Variants in OVGP1 observed in about 807,000 individuals in gnomAD.
OVGP1 encodes the protein oviduct-specific glycoprotein.
In OVGP1, 26 loss-of-function variants were observed where a neutral mutation model predicts 48.2. That is an observed-to-expected ratio of 0.54 (90% confidence interval 0.40 to 0.75). OVGP1 has a LOEUF of 0.75. OVGP1 is among the 30% of genes least tolerant of loss of function. The pLI, the probability that OVGP1 is intolerant of heterozygous loss-of-function variation, is 0.00. For missense variants in OVGP1, 791 were observed against 820.6 expected, an observed-to-expected ratio of 0.96 and a Z score of 0.44; for synonymous variants, 294 against 305.7, an observed-to-expected ratio of 0.96 and a Z score of 0.40.
intron 3 of OVGP1, 56 bp downstream of exon 3, chr1:111,426,381 T>C: frequency 6.2e-7 from 1 of 1,611,108 alleles, no homozygotes; most frequent in Non-Finnish European, 8.5e-7. Flanking sequence ...AAATAGACTG[T>C]TATCTTATAC....
At position 111,419,566 on chromosome 1, in the gene OVGP1, G is replaced by A. The variant is rs115931191; in HGVS notation, c.1020+44C>T. On this transcript the variant is annotated intron_variant, in intron 9 of 10. Transcript: ENST00000369732. ...TACAAATAAGGACCCCATAGAAACC[G>A]GTAGGAAACCATGTGCTGGAGCATG... 4.1e-4 allele frequency: 472 copies of A among 1,145,824 alleles called. 2 individuals carry two copies. In the African/African-American group the frequency reaches 6.0e-3, roughly 15 times the overall value. The allele number at this position is 1,145,824 out of a possible 1,614,324, so 71.0% of individuals were successfully genotyped here.
At position 111,416,461 on chromosome 1, in the gene OVGP1, G is replaced by T. The variant is rs1178890945; in HGVS notation, c.1021-3C>A. 6.3e-7 allele frequency: 1 copy of T among 1,599,944 alleles called. No homozygotes were observed. Among genetic ancestry groups the T allele is most frequent in the Admixed American group, 1.7e-5 (1 of 58,182 alleles). On this transcript the variant is annotated splice_region_variant and splice_polypyrimidine_tract_variant and intron_variant, in intron 9 of 10. Transcript: ENST00000369732. Reference sequence around the variant, plus strand: ...TGCTCTCGCCTTATAAACCATGCCTGTAAAAGTAACAGTCAGTCAACCTGC... The same window carrying T: ...TGCTCTCGCCTTATAAACCATGCCTTTAAAAGTAACAGTCAGTCAACCTGC...
At chr1:111,427,655 C>T (rs374090759) in intron 1 of OVGP1, 42 bp downstream of exon 1, 1 of 1,610,684 alleles carries the variant, frequency 6.2e-7, no homozygotes, top group African/African-American at 1.3e-5. Context: ...AAGCCTGGCA[C>T]TTCCTGGACT....
At chr1:111,427,489 T>C (rs760840114) in intron 1 of OVGP1, 15 of 622,032 alleles carry the variant, frequency 2.4e-5, no homozygotes, top group Non-Finnish European at 2.8e-5. Flanking sequence ...AAATTTCTAA[T>C]GGGCCACCAG....
intron 4 of OVGP1, among the ~76,000 whole-genome samples, chr1:111,423,954 C>T (rs192757848): frequency 2.6e-5 from 4 of 152,350 alleles, no homozygotes; most frequent in South Asian, 2.1e-4. Context: ...CAAGGCCAGA[C>T]GGCACAGGGA....
At chr1:111,422,816 G>C in intron 6 of OVGP1, 111 bp downstream of exon 6, 1 of 1,293,398 alleles carries the variant, frequency 7.7e-7, no homozygotes, top group South Asian at 1.3e-5. Flanking sequence ...ACTGACGTCA[G>C]GGCAGGCACA....
Position 111,415,152 on chromosome 1 carries a change from G to C in OVGP1, c.1349C>G (p.Thr450Ser). 3.7e-6 allele frequency: 6 copies of C among 1,614,106 alleles called. No individual in the cohort carries two copies. The highest frequency in any genetic ancestry group is 5.1e-6 in the Non-Finnish European group (6 of 1,179,970). ...TACAGTTTCCTTTGTAGGGGTCACA[G>C]TTGTACCTCTAGGGGTTATAGTCAT... ...ENMTITPRGT[T>S]VTPTKETVSL... Residue 450 changes from threonine to serine, a missense_variant, in exon 11 of 11, where the codon ACT (threonine) becomes AGT (serine). By Grantham distance (58) the Thr-to-Ser change is moderately conservative. Transcript: ENST00000369732.
intron 9 of OVGP1, among the ~76,000 whole-genome samples, chr1:111,418,270 A>C (rs1023731067): frequency 1.3e-5 from 2 of 152,088 alleles, no homozygotes; most frequent in African/African-American, 4.8e-5. Flanking sequence ...CACCCAACAC[A>C]AGGGATCAAT....
rs1264893 is a variant in OVGP1 at position 111,426,810 on chromosome 1, C to A, written c.56-169G>T. 2.1e-5 allele frequency: 33 copies of A among 1,547,026 alleles called. No homozygotes were observed. The East Asian group carries it at 6.4e-4, about 30-fold the overall frequency. Reference sequence around the variant, plus strand: ...CTACACTGAGGTTCTATTCCTCCCCCACTGCTGAGGTCTCAGGAAGAAAAC... The same window carrying A: ...CTACACTGAGGTTCTATTCCTCCCCAACTGCTGAGGTCTCAGGAAGAAAAC... On this transcript the variant is annotated intron_variant, in intron 2 of 10. Transcript: ENST00000369732.
chr1:111,424,369 T>C (rs1256924863), intron 4 of OVGP1, among the ~76,000 whole-genome samples: 1 of 152,244 alleles, frequency 6.6e-6, no homozygotes, highest in Non-Finnish European at 1.5e-5. Context: ...ACCTGAACTT[T>C]AAGCAACTCT....
In OVGP1 at chr1:111,416,323, C is replaced by T; in HGVS notation, c.1156G>A (p.Glu386Lys). The change falls in exon 10 of 11, where the codon GAG becomes AAG. Residue 386 changes from glutamate to lysine, a missense_variant and splice_region_variant. Glu to Lys is a moderately conservative substitution (Grantham distance 56). Transcript: ENST00000369732. Reference sequence around the variant, plus strand: ...CAGCTTCTAGGTCACAGCTACTTACCAGCCCGCACCAGGATATCATTCAAT... The same window carrying T: ...CAGCTTCTAGGTCACAGCTACTTACTAGCCCGCACCAGGATATCATTCAAT... ...YVLNDILVRAEFSSTSLPQFW... is the reference protein window; with the variant it reads ...YVLNDILVRAKFSSTSLPQFW... 2 of 1,576,826 alleles carry T rather than the reference C, an allele frequency of 1.3e-6. No homozygotes were observed. Among genetic ancestry groups the T allele is most frequent in the Non-Finnish European group, 1.7e-6 (2 of 1,157,518 alleles).
At chr1:111,426,998 A>G (rs1652416151) in intron 2 of OVGP1, 64 bp downstream of exon 2, 1 of 1,613,252 alleles carries the variant, frequency 6.2e-7, no homozygotes, top group Non-Finnish European at 8.5e-7. Flanking sequence ...GGGACACTCA[A>G]TGTGGAGGAC....
At chr1:111,420,216 T>C (rs1652232215) in intron 8 of OVGP1, among the ~76,000 whole-genome samples, 1 of 152,180 alleles carries the variant, frequency 6.6e-6, no homozygotes, top group South Asian at 2.1e-4. Context: ...AATTAAGCAT[T>C]TGAGTGTCCA....
In OVGP1 at chr1:111,423,009, G is replaced by A. The variant is rs183956715; in HGVS notation, c.526C>T (p.Arg176Cys). 2.9e-5 allele frequency: 47 copies of A among 1,614,022 alleles called. No individual in the cohort carries two copies. Among genetic ancestry groups the A allele is most frequent in the Non-Finnish European group, 3.7e-5 (44 of 1,180,020 alleles). Residue 176 changes from arginine to cysteine, a missense_variant, in exon 6 of 11, where the codon CGC (arginine) becomes TGC (cysteine). Physicochemically the swap from Arg to Cys is radical, Grantham distance 180. Coordinates refer to ENST00000369732, the MANE Select transcript of OVGP1 (RefSeq NM_002557.4). ...AFRKEALLTMRPRLLLSAAVS... is the reference protein window; with the variant it reads ...AFRKEALLTMCPRLLLSAAVS... ...GCAGCAGACAGCAGCAGCCTCGGGC[G>A]CATGGTGAGCAGTGCCTCCTTCCGG...
chr1:111,426,970 G>C (rs954922899), intron 2 of OVGP1, 92 bp downstream of exon 2: 7 of 1,605,928 alleles, frequency 4.4e-6, no homozygotes, highest in Middle Eastern at 1.7e-4. Context: ...AGAGAAGCCA[G>C]GGCAAGGTGG....
rs776305424 is a variant in OVGP1, at chr1:111,415,016, G to A, written c.1485C>T (p.Thr495=). 29 of 1,612,050 alleles carry A rather than the reference G, an allele frequency of 1.8e-5. 1 individual carries two copies. In the Admixed American group the frequency reaches 4.7e-4, roughly 26 times the overall value. The change falls in exon 11 of 11, where the codon ACC becomes ACT. Residue 495 remains threonine, a synonymous_variant. Coordinates refer to ENST00000369732, the MANE Select transcript of OVGP1 (RefSeq NM_002557.4). ...QSMTPGEKAL[T]PVGHQSVTTG... ...TGGTCACAGATTGATGACCCACAGG[G>A]GTCAGGGCCTTCTCTCCAGGGGTCA...
At chr1:111,418,143 T>G (rs1652179153) in intron 9 of OVGP1, among the ~76,000 whole-genome samples, 1 of 152,244 alleles carries the variant, frequency 6.6e-6, no homozygotes, top group Admixed American at 6.5e-5. Context: ...TCTGATATTC[T>G]ATGTCAAAAT....
chr1:111,419,538 T>C (rs1338098991), intron 9 of OVGP1, 72 bp downstream of exon 9: 3 of 864,674 alleles, frequency 3.5e-6, no homozygotes, highest in Middle Eastern at 2.2e-4. Flanking sequence ...CATACATGCA[T>C]TGTACAAATA....
At position 111,416,430 on chromosome 1, in the gene OVGP1, C is replaced by T. The variant is rs200976846; in HGVS notation, c.1049G>A (p.Gly350Glu). The T allele has an allele frequency of 1.1e-5, 18 of 1,605,968 alleles. No homozygotes were observed. The highest frequency in any genetic ancestry group is 3.4e-5 in the Admixed American group (2 of 58,736). Residue 350 changes from glycine to glutamate, a missense_variant, in exon 10 of 11, where the codon GGG (glycine) becomes GAG (glutamate). Physicochemically the swap from Gly to Glu is moderately conservative, Grantham distance 98 (BLOSUM62 -2). Transcript: ENST00000369732. ...KAWFIRREHF[G>E]GAMVWTLDMD... ...GTCCAATGTCCACACCATGGCCCCC[C>T]CAAAATGCTCTCGCCTTATAAACCA...
Sources: gnomAD v4.1 joint callset for allele counts (sites outside exome capture counted in the v4.1 genomes callset) on GRCh38, gnomAD v4.1.1 for gene constraint, MANE v1.5 for transcripts, NCBI Gene and HGNC (gene_info 2026-07-23, HGNC 2026-07-21) for gene names.